HDAC9: variants seen among roughly 807,000 people sequenced by gnomAD.
HDAC9 encodes histone deacetylase 9, also known as MEF-2 interacting transcription repressor (MITR) protein.
In HDAC9, 41 loss-of-function variants were observed where a neutral mutation model predicts 139.4. That is an observed-to-expected ratio of 0.29 (90% CI 0.23 to 0.38). The LOEUF is 0.38. HDAC9 is among the 10% of genes least tolerant of loss of function. The pLI, the probability that HDAC9 is intolerant of heterozygous loss-of-function variation, is 1.00. For missense variants in HDAC9, 1,147 were observed against 1,297.0 expected, an observed-to-expected ratio of 0.88 and a Z score of 1.78; for synonymous variants, 517 against 476.2, an observed-to-expected ratio of 1.09 and a Z score of -1.12.
chr7:18,499,214 G>A (rs1226045308), intron 2 of HDAC9, among the ~76,000 whole-genome samples: 2 of 152,024 alleles, frequency 1.3e-5, no homozygotes, highest in African/African-American at 4.8e-5. Context: ...CATTGGTTAT[G>A]TTGTGTAATT....
At chr7:18,500,736 A>C (rs1325790470) in intron 2 of HDAC9, among the ~76,000 whole-genome samples, 3 of 152,118 alleles carry the variant, frequency 2.0e-5, no homozygotes, top group Non-Finnish European at 4.4e-5. Context: ...CACCAACTAA[A>C]CTTAGAGATT....
chr7:18,471,243 T>C (rs548154923), intron 1 of HDAC9, among the ~76,000 whole-genome samples: 9 of 152,294 alleles, frequency 5.9e-5, no homozygotes, highest in African/African-American at 2.2e-4. Flanking sequence ...GTGTAATGAA[T>C]GAATACACAT....
intron 12 of HDAC9, among the ~76,000 whole-genome samples, chr7:18,699,405 C>T (rs569850465): frequency 6.1e-4 from 92 of 151,456 alleles, no homozygotes; most frequent in African/African-American, 1.9e-3. Context: ...TGTGTGTGTA[C>T]GTGTGTGTCG....
chr7:18,472,144 T>G (rs1313472237), intron 1 of HDAC9, among the ~76,000 whole-genome samples: 1 of 152,216 alleles, frequency 6.6e-6, no homozygotes, highest in Admixed American at 6.5e-5. Flanking sequence ...GATTTGATTT[T>G]GAGTCCTGTT....
chr7:18,986,684 T>A (rs1386232783), intron 25 of HDAC9, among the ~76,000 whole-genome samples: 1 of 152,214 alleles, frequency 6.6e-6, no homozygotes, highest in Non-Finnish European at 1.5e-5. Context: ...TTCAGAAGAT[T>A]GATTCTTCCT....
chr7:18,687,438 A>G (rs1336361797), intron 12 of HDAC9, among the ~76,000 whole-genome samples: 1 of 151,912 alleles, frequency 6.6e-6, no homozygotes, highest in African/African-American at 2.4e-5. Context: ...TTATGTTATA[A>G]TTGATACTAT....
chr7:18,283,208 A>G (rs376463475), intron 2 of HDAC9, among the ~76,000 whole-genome samples: 6 of 152,294 alleles, frequency 3.9e-5, no homozygotes, highest in African/African-American at 1.2e-4. Context: ...TCATGGTGGA[A>G]GGCAAAGAGG....
chr7:18,451,460 T>C (rs944175569), intron 1 of HDAC9, among the ~76,000 whole-genome samples: 4 of 151,574 alleles, frequency 2.6e-5, no homozygotes, highest in Non-Finnish European at 4.4e-5. Context: ...TATGTATATA[T>C]ATATGCATAC....
At chr7:18,228,582 A>C (rs1793229310) in intron 2 of HDAC9, among the ~76,000 whole-genome samples, 1 of 152,152 alleles carries the variant, frequency 6.6e-6, no homozygotes, top group Non-Finnish European at 1.5e-5. Flanking sequence ...AAGAAGTGAG[A>C]AGTTCTAGTG....
chr7:18,910,262 G>T (rs946388879), intron 22 of HDAC9, among the ~76,000 whole-genome samples: 1 of 151,858 alleles, frequency 6.6e-6, no homozygotes, highest in African/African-American at 2.4e-5. Context: ...TTTCATCATA[G>T]AAATCTTTGA....
At chr7:18,184,775 A>T (rs1369243967) in intron 2 of HDAC9, among the ~76,000 whole-genome samples, 1 of 152,234 alleles carries the variant, frequency 6.6e-6, no homozygotes, top group Non-Finnish European at 1.5e-5. Flanking sequence ...GTATTGAATA[A>T]AAAGGATTTC....
At chr7:18,614,204 ACTT>A (rs1837966179) in intron 6 of HDAC9, among the ~76,000 whole-genome samples, 1 of 151,986 alleles carries the variant, frequency 6.6e-6, no homozygotes, top group African/African-American at 2.4e-5. Context: ...ACATCTCTAA[ACTT>A]CAACCTTTTC....
At chr7:18,825,760 C>G (rs1174526390) in intron 17 of HDAC9, among the ~76,000 whole-genome samples, 1 of 147,398 alleles carries the variant, frequency 6.8e-6, no homozygotes, top group Non-Finnish European at 1.5e-5. Flanking sequence ...ATATAATTAT[C>G]AAAATTATAT....
At chr7:18,340,520 A>G (rs1781923484) in intron 1 of HDAC9, among the ~76,000 whole-genome samples, 1 of 151,470 alleles carries the variant, frequency 6.6e-6, no homozygotes. Context: ...CTTATTGTCT[A>G]CAACTCTTAG....
rs535055210 is a variant in HDAC9 at position 18,816,151 on chromosome 7, T to C, written c.2323-13010T>C. ...TATGAAGAGATGCCTATTGACTGAG[T>C]GATCCTCTTTCCCTTTCTCATAAAG... On this transcript the variant is annotated intron_variant, in intron 17 of 25. Coordinates refer to ENST00000686413, the MANE Select transcript of HDAC9 (RefSeq NM_178425.4). 1.8e-4 allele frequency among the ~76,000 whole-genome samples: 27 copies of C among 152,334 alleles called. No individual in the cohort carries two copies. In the East Asian group the frequency reaches 5.0e-3, roughly 28 times the overall value.
intron 16 of HDAC9, among the ~76,000 whole-genome samples, chr7:18,787,130 A>T (rs926011548): frequency 6.6e-6 from 1 of 152,074 alleles, no homozygotes. Context: ...ACCCTATTAG[A>T]TAGACAGGAC....
At chr7:18,791,009 C>A (rs903377555) in intron 16 of HDAC9, among the ~76,000 whole-genome samples, 3 of 152,162 alleles carry the variant, frequency 2.0e-5, no homozygotes, top group Non-Finnish European at 2.9e-5. Flanking sequence ...AAATTAATGT[C>A]ACAAACATCT....
intron 6 of HDAC9, among the ~76,000 whole-genome samples, chr7:18,628,053 G>T (rs940823288): frequency 6.6e-6 from 1 of 152,098 alleles, no homozygotes; most frequent in Non-Finnish European, 1.5e-5. Context: ...CTTGTGGTCT[G>T]TCAAAAATAT....
At chr7:18,380,711 A>G (rs1169252869) in intron 1 of HDAC9, among the ~76,000 whole-genome samples, 1 of 152,220 alleles carries the variant, frequency 6.6e-6, no homozygotes, top group Non-Finnish European at 1.5e-5. Flanking sequence ...AAACACACCA[A>G]ACATCAATAA....
Sources: allele counts gnomAD v4.1 joint callset (sites outside exome capture counted in the v4.1 genomes callset), GRCh38; gene constraint gnomAD v4.1.1; transcripts MANE v1.5; gene names NCBI Gene and HGNC (gene_info 2026-07-23, HGNC 2026-07-21).